Variants in PTPN4 observed in about 807,000 individuals in gnomAD.
PTPN4 encodes the protein tyrosine-protein phosphatase non-receptor type 4.
A neutral mutation model predicts 135.5 loss-of-function variants in PTPN4; 49 were observed. That is an observed-to-expected ratio of 0.36 (90% CI 0.29 to 0.46). PTPN4 has a LOEUF of 0.46. Ranked by LOEUF, PTPN4 falls within the 20% of genes least tolerant of loss-of-function variation. The pLI is 1.00. For missense variants in PTPN4, 860 were observed against 1,101.0 expected (o/e 0.78, Z 3.10); for synonymous variants, 333 against 369.9 (o/e 0.90, Z 1.14).
At chr2:119,936,235 CT>C (rs1678981536) in intron 15 of PTPN4, among the ~76,000 whole-genome samples, 1 of 152,168 alleles carries the variant, frequency 6.6e-6, no homozygotes, top group African/African-American at 2.4e-5. Context: ...ATCTCCTGAC[CT>C]CGTGATTCGC....
At chr2:119,932,907 C>G (rs1678926987) in intron 14 of PTPN4, among the ~76,000 whole-genome samples, 1 of 152,108 alleles carries the variant, frequency 6.6e-6, no homozygotes, top group African/African-American at 2.4e-5. Context: ...AGCAGAATTT[C>G]TAGGGGAGCA....
chr2:119,944,267 G>A (rs566090029), intron 15 of PTPN4, among the ~76,000 whole-genome samples: 116 of 152,164 alleles, frequency 7.6e-4, no homozygotes, highest in Non-Finnish European at 1.3e-3. Context: ...ACAATTTTCC[G>A]CTTACCTATT....
intron 2 of PTPN4, among the ~76,000 whole-genome samples, chr2:119,823,520 A>G (rs1230058704): frequency 6.6e-6 from 1 of 152,212 alleles, no homozygotes; most frequent in African/African-American, 2.4e-5. Flanking sequence ...GGCGTGAGCC[A>G]CCGTGCCCAG....
chr2:119,966,270 T>G (rs1327353805), intron 25 of PTPN4, among the ~76,000 whole-genome samples: 2 of 152,068 alleles, frequency 1.3e-5, no homozygotes, highest in South Asian at 2.1e-4. Flanking sequence ...CACCTTTTCT[T>G]TTTTTTCAGT....
chr2:119,894,602 CA>C (rs1678290770), intron 9 of PTPN4, among the ~76,000 whole-genome samples: 1 of 151,990 alleles, frequency 6.6e-6, no homozygotes, highest in Admixed American at 6.6e-5. Flanking sequence ...TAAAAATAGA[CA>C]TGAAAATTTT....
At chr2:119,939,683 G>A (rs778115926) in intron 15 of PTPN4, among the ~76,000 whole-genome samples, 5 of 152,028 alleles carry the variant, frequency 3.3e-5, no homozygotes, top group Non-Finnish European at 5.9e-5. Context: ...ATGAATCTCC[G>A]CAGCTTTGTC....
chr2:119,805,596 T>C (rs1691453395), intron 1 of PTPN4, among the ~76,000 whole-genome samples: 1 of 152,180 alleles, frequency 6.6e-6, no homozygotes, highest in Non-Finnish European at 1.5e-5. Flanking sequence ...GTTGTAGATG[T>C]GTGGTGATAT....
At position 119,882,102 on chromosome 2, in the gene PTPN4, C is replaced by G; in HGVS notation, c.419C>G (p.Pro140Arg). ...IKQDILTGRL[P>R]CPSNTAALLA... ...TTTTTGTTTTGTTTTATTAGATTACCCTGTCCTTCTAATACTGCTGCCCTT... is the reference window on the plus strand; with the variant it reads ...TTTTTGTTTTGTTTTATTAGATTACGCTGTCCTTCTAATACTGCTGCCCTT... The change falls in exon 7 of 27, where the codon CCC becomes CGC. Residue 140 changes from proline (P) to arginine (R), a missense_variant. Pro to Arg is a moderately radical substitution (Grantham distance 103, BLOSUM62 -2). Around this residue, in one of 2 missense-constraint regions of PTPN4, gnomAD observed 684 missense variants for 807.0 expected, o/e 0.85. Transcript: ENST00000263708. 6.2e-7 allele frequency: 1 copy of G among 1,607,484 alleles called. No homozygotes were observed. The highest frequency in any genetic ancestry group is 8.5e-7 in the Non-Finnish European group (1 of 1,174,414).
At chr2:119,924,096 C>CACTG (rs1678779432) in intron 12 of PTPN4, among the ~76,000 whole-genome samples, 1 of 145,110 alleles carries the variant, frequency 6.9e-6, no homozygotes, top group Admixed American at 7.0e-5. Context: ...GAGATGGAGC[C>CACTG]ACTGCACTCC....
At chr2:119,822,140 G>A (rs1435127360) in intron 2 of PTPN4, among the ~76,000 whole-genome samples, 1 of 151,832 alleles carries the variant, frequency 6.6e-6, no homozygotes, top group East Asian at 1.9e-4. Context: ...GAGAACTGAG[G>A]GACACAACTG....
chr2:119,767,516 C>A (rs957435093), intron 1 of PTPN4, among the ~76,000 whole-genome samples: 1 of 152,240 alleles, frequency 6.6e-6, no homozygotes, highest in African/African-American at 2.4e-5. Flanking sequence ...ATTTTTCCAA[C>A]TATCCCAGTA....
In PTPN4 at chr2:119,965,767, C is replaced by T. The variant is rs989129203; in HGVS notation, c.2558+122C>T. 1.1e-5 allele frequency: 13 copies of T among 1,189,726 alleles called. No homozygotes were observed. In the African/African-American group the frequency reaches 1.7e-4, roughly 16 times the overall value. The allele number at this position is 1,189,726 out of a possible 1,614,324, so 73.7% of individuals were successfully genotyped here. A position where few individuals can be genotyped will look rare whatever the true frequency, so the allele number is the denominator to read the frequency against. On this transcript the variant is annotated intron_variant, in intron 25 of 26. Transcript: ENST00000263708. ...GTAATAATTAGAACTCAAAGCTATGCTCTGAAGGTAGGAGGCAAAGGATAT... is the reference window on the plus strand; with the variant it reads ...GTAATAATTAGAACTCAAAGCTATGTTCTGAAGGTAGGAGGCAAAGGATAT...
chr2:119,823,377 G>A (rs1177987618), intron 2 of PTPN4, among the ~76,000 whole-genome samples: 1 of 152,018 alleles, frequency 6.6e-6, no homozygotes, highest in Non-Finnish European at 1.5e-5. Flanking sequence ...TGGGACTCCA[G>A]GTGCCCGCCA....
rs1691165283 is a variant in PTPN4, at chr2:119,792,337, A to G, written c.-17-17500A>G. Among the ~76,000 whole-genome samples the G allele has an allele frequency of 2.0e-5, 3 of 152,192 alleles. No homozygotes were observed. The South Asian group carries it at 6.2e-4, about 32-fold the overall frequency. Reference sequence around the variant, plus strand: ...GTACCTATATTTCCTGGTACCTACAATAGCCCTTTGAGTTGGGTGCTATTA... The same window carrying G: ...GTACCTATATTTCCTGGTACCTACAGTAGCCCTTTGAGTTGGGTGCTATTA... On this transcript the variant is annotated intron_variant, in intron 1 of 26. Coordinates refer to ENST00000263708, the MANE Select transcript of PTPN4 (RefSeq NM_002830.4).
chr2:119,799,001 C>T (rs1023092083), intron 1 of PTPN4, among the ~76,000 whole-genome samples: 2 of 152,158 alleles, frequency 1.3e-5, no homozygotes, highest in East Asian at 3.8e-4. Context: ...GGCTACTCCT[C>T]GGCTTCTCTC....
In PTPN4 at chr2:119,981,039, A is replaced by AT. The variant is rs1679684975; in HGVS notation, c.*3973dup. ...TAACAATGTGCTATTTAATATCTGTATTTTGAACATTTAAAATACTCTGAT... is the reference window on the plus strand; with the variant it reads ...TAACAATGTGCTATTTAATATCTGTATTTTTGAACATTTAAAATACTCTGAT... On this transcript the variant is annotated 3_prime_UTR_variant, in exon 27 of 27. Coordinates refer to ENST00000263708, the MANE Select transcript of PTPN4 (RefSeq NM_002830.4). The AT allele has an allele frequency of 6.6e-6, 1 of 152,064 alleles. No individual in the cohort carries two copies. The highest frequency in any genetic ancestry group is 1.5e-5 in the Non-Finnish European group (1 of 67,934). The allele number at this position is 152,064 out of a possible 1,614,324, so 9.4% of individuals were successfully genotyped here. A position where few individuals can be genotyped will look rare whatever the true frequency, so the allele number is the denominator to read the frequency against.
At chr2:119,813,202 C>T (rs1194546005) in intron 2 of PTPN4, among the ~76,000 whole-genome samples, 3 of 152,012 alleles carry the variant, frequency 2.0e-5, no homozygotes, top group Non-Finnish European at 4.4e-5. Context: ...TATATATGAC[C>T]TCTTGATATC....
chr2:119,816,671 T>C (rs1274754135), intron 2 of PTPN4, among the ~76,000 whole-genome samples: 1 of 152,100 alleles, frequency 6.6e-6, no homozygotes, highest in Non-Finnish European at 1.5e-5. Context: ...CATCTGGGGG[T>C]GATGGTAGAC....
At chr2:119,917,188 C>T (rs1414692014) in intron 11 of PTPN4, among the ~76,000 whole-genome samples, 1 of 152,076 alleles carries the variant, frequency 6.6e-6, no homozygotes, top group Non-Finnish European at 1.5e-5. Flanking sequence ...GGTAAAAGAC[C>T]AGTCATTTTC....
Sources: allele counts gnomAD v4.1 joint callset (sites outside exome capture counted in the v4.1 genomes callset), GRCh38; gene constraint gnomAD v4.1.1; regional missense constraint gnomAD v4.1.1; transcripts MANE v1.5; gene names NCBI Gene and HGNC (gene_info 2026-07-23, HGNC 2026-07-21).